Variants in CEBPZOS observed in about 807,000 individuals in gnomAD.
CEBPZOS encodes protein CEBPZOS.
In CEBPZOS, 10 loss-of-function variants were observed where a neutral mutation model predicts 4.8. That is an observed-to-expected ratio of 2.07 (90% CI 1.28 to 3.52). The LOEUF (loss-of-function observed/expected upper bound fraction) is 3.52. Among genes scored for constraint, CEBPZOS ranks in the 30% most tolerant of loss-of-function variants. CEBPZOS has a pLI of 0.00. For synonymous variants in CEBPZOS, 25 were observed against 14.2 expected (o/e 1.77, Z -1.72); for missense variants, 98 against 43.6 (o/e 2.25, Z -3.51).
chr2:37,203,166 A>T lies in CEBPZOS; in HGVS notation c.*1306A>T. The stretch of plus-strand genomic sequence containing the variant: ...GTAGCTGGCATTTAAATATAATTTA[A>T]GAGTTAGTATATAATATTTTCAAAA... On this transcript the variant is annotated 3_prime_UTR_variant, in exon 5 of 5. Transcript: ENST00000402297. 2.0e-6 allele frequency: 1 copy of T among 507,426 alleles called. No homozygotes were observed. The allele number at this position is 507,426 out of a possible 1,614,324, so 31.4% of individuals were successfully genotyped here. A position where few individuals can be genotyped will look rare whatever the true frequency, so the allele number is the denominator to read the frequency against.
At chr2:37,197,770 G>T (rs1677018409) in intron 1 of CEBPZOS, among the ~76,000 whole-genome samples, 1 of 152,242 alleles carries the variant, frequency 6.6e-6, no homozygotes, top group Non-Finnish European at 1.5e-5. Context: ...GGAGGCTGAG[G>T]CAGGAGAATC....
chr2:37,207,678 T>G (rs1429750082), downstream of CEBPZOS, among the ~76,000 whole-genome samples: 1 of 152,144 alleles, frequency 6.6e-6, no homozygotes, highest in East Asian at 1.9e-4. Context: ...GTTCACAGCA[T>G]TAAATGTCTA....
At chr2:37,214,968 T>A, downstream of CEBPZOS, 3 of 1,546,738 alleles carry the variant, frequency 1.9e-6, no homozygotes, top group Non-Finnish European at 2.7e-6. Flanking sequence ...AAAATAAATT[T>A]AAACATTTTA....
downstream of CEBPZOS, among the ~76,000 whole-genome samples, chr2:37,215,120 C>T (rs574418950): frequency 4.6e-5 from 7 of 152,210 alleles, no homozygotes; most frequent in South Asian, 1.5e-3. Flanking sequence ...CTGAAAAAGT[C>T]TGTGTGAAGA....
downstream of CEBPZOS, chr2:37,215,570 A>G (rs1413870909): frequency 1.3e-5 from 2 of 152,430 alleles, no homozygotes; most frequent in Non-Finnish European, 2.9e-5. Flanking sequence ...CTGGAAATTA[A>G]ATGATCTATA....
At chr2:37,213,888 C>T, downstream of CEBPZOS, 1 of 1,607,666 alleles carries the variant, frequency 6.2e-7, no homozygotes, top group Non-Finnish European at 8.5e-7. Flanking sequence ...AATTCTTCAT[C>T]ATCCACGTCT....
At chr2:37,211,995 T>C (rs957290644) in intron 4 of CEBPZOS, 2 of 1,610,540 alleles carry the variant, frequency 1.2e-6, no homozygotes, top group Non-Finnish European at 1.7e-6. Context: ...TGAATCTTCA[T>C]CTAATGTGTT....
downstream of CEBPZOS, chr2:37,214,955 A>G (rs534069602): frequency 8.8e-6 from 14 of 1,596,552 alleles, no homozygotes; most frequent in South Asian, 1.4e-4. Context: ...ACTGTTCACT[A>G]CAAAAATAAA....
chr2:37,200,136 A>T (rs1163140642), intron 2 of CEBPZOS, among the ~76,000 whole-genome samples: 1 of 152,178 alleles, frequency 6.6e-6, no homozygotes, highest in African/African-American at 2.4e-5. Context: ...TAGCCTGCCC[A>T]TTATACTTCA....
intron 4 of CEBPZOS, chr2:37,211,844 T>C (rs755578095): frequency 1.9e-6 from 3 of 1,588,834 alleles, no homozygotes; most frequent in Non-Finnish European, 2.6e-6. Context: ...AATGCTTACC[T>C]GGAACGCTCT....
Position 37,204,211 on chromosome 2 carries a change from C to T in CEBPZOS, c.*2351C>T, listed in dbSNP as rs1359129512. On this transcript the variant is annotated 3_prime_UTR_variant, in exon 5 of 5. Coordinates refer to ENST00000402297, the MANE Select transcript of CEBPZOS (RefSeq NM_001322374.2). ...GTACTGTACTGGTTTCTTAAAGTTTCTTTTATCCCGCCCCCACCCCCAACC... is the reference window on the plus strand; with the variant it reads ...GTACTGTACTGGTTTCTTAAAGTTTTTTTTATCCCGCCCCCACCCCCAACC... 1 of 150,916 alleles carries T rather than the reference C, an allele frequency of 6.6e-6. No homozygotes were observed. Among genetic ancestry groups the T allele is most frequent in the Admixed American group, 6.6e-5 (1 of 15,118 alleles). 9.3% of individuals were successfully genotyped at this position (150,916 alleles called of 1,614,324 possible).
At chr2:37,206,749 T>G (rs1677552688), downstream of CEBPZOS, among the ~76,000 whole-genome samples, 2 of 152,138 alleles carry the variant, frequency 1.3e-5, no homozygotes, top group African/African-American at 2.4e-5. Flanking sequence ...AATAACACAA[T>G]GAAAAAACAA....
chr2:37,206,109 G>T (rs777524510), downstream of CEBPZOS, among the ~76,000 whole-genome samples: 1 of 152,196 alleles, frequency 6.6e-6, no homozygotes. Flanking sequence ...TGGGGCCCTG[G>T]AGAGAACAAA....
intron 4 of CEBPZOS, chr2:37,213,393 A>G (rs978292689): frequency 1.3e-5 from 2 of 153,366 alleles, no homozygotes; most frequent in Admixed American, 6.5e-5. Flanking sequence ...GAATTACCAT[A>G]TATCATAAAA....
intron 2 of CEBPZOS, among the ~76,000 whole-genome samples, chr2:37,200,406 C>T (rs578102804): frequency 6.6e-6 from 1 of 152,142 alleles, no homozygotes; most frequent in African/African-American, 2.4e-5. Context: ...TCTTCCTCAG[C>T]ATACTTGGTT....
chr2:37,215,887 G>T (rs1017812417), downstream of CEBPZOS, among the ~76,000 whole-genome samples: 2 of 151,750 alleles, frequency 1.3e-5, no homozygotes, highest in Non-Finnish European at 2.9e-5. Flanking sequence ...GATGGTAATG[G>T]GGAGGGGGTT....
chr2:37,199,959 G>T, intron 2 of CEBPZOS, 140 bp downstream of exon 2: 1 of 603,830 alleles, frequency 1.7e-6, no homozygotes, highest in Admixed American at 2.9e-5. Context: ...GGCAGAACAG[G>T]AATCAAAGTA....
Position 37,203,027 on chromosome 2 carries a change from C to G in CEBPZOS, c.*1167C>G. Reference sequence around the variant, plus strand: ...CTTGGCCCTAAAAAAAATTGTAAGTCTACATTATTCAATTATAAATCTAAT... The same window carrying G: ...CTTGGCCCTAAAAAAAATTGTAAGTGTACATTATTCAATTATAAATCTAAT... On this transcript the variant is annotated 3_prime_UTR_variant, in exon 5 of 5. Transcript: ENST00000402297. The G allele has an allele frequency of 6.9e-7, 1 of 1,446,612 alleles. No homozygotes were observed. Among genetic ancestry groups the G allele is most frequent in the East Asian group, 2.4e-5 (1 of 42,254 alleles). The allele number at this position is 1,446,612 out of a possible 1,614,324, so 89.6% of individuals were successfully genotyped here.
chr2:37,214,674 A>G (rs956584347), downstream of CEBPZOS, among the ~76,000 whole-genome samples: 2 of 152,200 alleles, frequency 1.3e-5, no homozygotes, highest in South Asian at 4.1e-4. Context: ...AAACACAGAC[A>G]TATCCTTTGA....
Sources: allele counts gnomAD v4.1 joint callset (sites outside exome capture counted in the v4.1 genomes callset), GRCh38; gene constraint gnomAD v4.1.1; transcripts MANE v1.5; gene names NCBI Gene and HGNC (gene_info 2026-07-23, HGNC 2026-07-21).